The following KIF5C variants were observed in gnomAD, a reference collection of about 807,000 sequenced individuals.
KIF5C encodes kinesin heavy chain isoform 5C.
In KIF5C, 18 loss-of-function variants were observed where a neutral mutation model predicts 125.2. The ratio of observed to expected loss-of-function variants is 0.14; its 90% CI spans 0.10 to 0.21. KIF5C has a LOEUF of 0.21. Ranked by LOEUF, KIF5C falls within the 10% of genes least tolerant of loss-of-function variation. KIF5C has a pLI of 1.00. For missense variants in KIF5C, 780 were observed against 1,183.8 expected (o/e 0.66, Z 5.01); for synonymous variants, 405 against 434.0 (o/e 0.93, Z 0.83).
intron 1 of KIF5C, among the ~76,000 whole-genome samples, chr2:148,890,376 C>T (rs1681673578): frequency 6.6e-6 from 1 of 151,998 alleles, no homozygotes; most frequent in African/African-American, 2.4e-5. Context: ...TCGTGTGTAC[C>T]TGTAGTGCCA....
At chr2:148,918,300 A>AT (rs1681641605) in intron 1 of KIF5C, among the ~76,000 whole-genome samples, 1 of 152,228 alleles carries the variant, frequency 6.6e-6, no homozygotes, top group South Asian at 2.1e-4. Context: ...TGTGTGTCTC[A>AT]TCCAGATTCC....
chr2:148,903,737 C>A (rs913965723), intron 1 of KIF5C, among the ~76,000 whole-genome samples: 7 of 152,094 alleles, frequency 4.6e-5, no homozygotes, highest in Non-Finnish European at 8.8e-5. Context: ...GATAACTTGC[C>A]CAAGGTCACA....
At chr2:148,916,643 T>G (rs537953764) in intron 1 of KIF5C, among the ~76,000 whole-genome samples, 1 of 152,324 alleles carries the variant, frequency 6.6e-6, no homozygotes, top group South Asian at 2.1e-4. Context: ...CCAACTTTTT[T>G]TTTTTTTAAA....
chr2:148,946,851 C>G, intron 7 of KIF5C, 48 bp from the exon 8 acceptor site: 1 of 1,599,382 alleles, frequency 6.3e-7, no homozygotes, highest in Non-Finnish European at 8.5e-7. Flanking sequence ...GGATTGCTAC[C>G]TAAACCTACA....
At chr2:148,932,748 C>A (rs1318581351) in intron 3 of KIF5C, among the ~76,000 whole-genome samples, 1 of 152,152 alleles carries the variant, frequency 6.6e-6, no homozygotes, top group Non-Finnish European at 1.5e-5. Flanking sequence ...GGCTTCCCAG[C>A]CGTCCCGCCA....
intron 1 of KIF5C, among the ~76,000 whole-genome samples, chr2:148,901,054 A>G (rs1680881701): frequency 6.6e-6 from 1 of 152,254 alleles, no homozygotes; most frequent in Non-Finnish European, 1.5e-5. Context: ...GCGGTTGACC[A>G]GAAAGGGACA....
At chr2:148,998,376 T>C in intron 18 of KIF5C, 24 bp from the exon 19 acceptor site, 1 of 1,553,570 alleles carries the variant, frequency 6.4e-7, no homozygotes, top group Non-Finnish European at 8.7e-7. Flanking sequence ...GTAGATGACA[T>C]GTTTCTCTTG....
rs957553052 is a variant in KIF5C at position 149,025,936 on chromosome 2, C to T, written c.*2866C>T. The T allele has an allele frequency of 2.0e-5, 3 of 152,400 alleles. No homozygotes were observed. Among genetic ancestry groups the T allele is most frequent in the Non-Finnish European group, 2.9e-5 (2 of 68,010 alleles). The allele number at this position is 152,400 out of a possible 1,614,324, so 9.4% of individuals were successfully genotyped here. A position where few individuals can be genotyped will look rare whatever the true frequency, so the allele number is the denominator to read the frequency against. On this transcript the variant is annotated 3_prime_UTR_variant, in exon 26 of 26. Coordinates refer to ENST00000435030, the MANE Select transcript of KIF5C (RefSeq NM_004522.3). The stretch of plus-strand genomic sequence containing the variant: ...TTAAGACTTTTAAAGGAAATAGAAT[C>T]GTGATTAAGAAATCAGAATTTATAG...
rs564522280 is a variant in KIF5C at position 148,910,904 on chromosome 2, T to C, written c.127-11233T>C. Among the ~76,000 whole-genome samples, 30 of 152,296 alleles carry C rather than the reference T, an allele frequency of 2.0e-4. 1 individual carries two copies. The highest frequency in any genetic ancestry group is 3.4e-3 in the Middle Eastern group (1 of 294). Reference sequence around the variant, plus strand: ...GACCACTCTGTGGCAACTGATTGCATGATGGTGGTGAGGGACAACTGTGGG... The same window carrying C: ...GACCACTCTGTGGCAACTGATTGCACGATGGTGGTGAGGGACAACTGTGGG... On this transcript the variant is annotated intron_variant, in intron 1 of 25. Coordinates refer to ENST00000435030, the MANE Select transcript of KIF5C (RefSeq NM_004522.3).
intron 25 of KIF5C, among the ~76,000 whole-genome samples, chr2:149,014,098 C>T (rs1394056699): frequency 1.3e-5 from 2 of 152,196 alleles, no homozygotes; most frequent in Admixed American, 6.5e-5. Flanking sequence ...GATCTTGGCT[C>T]ACTGCATCCT....
intron 18 of KIF5C, 52 bp from the exon 19 acceptor site, chr2:148,998,348 T>C (rs969236226): frequency 6.5e-7 from 1 of 1,549,010 alleles, no homozygotes; most frequent in Non-Finnish European, 8.7e-7. Context: ...TGTCACAGAG[T>C]GGGCTGAGTG....
intron 1 of KIF5C, among the ~76,000 whole-genome samples, chr2:148,883,098 T>C (rs868125799): frequency 6.6e-6 from 1 of 152,246 alleles, no homozygotes; most frequent in South Asian, 2.1e-4. Context: ...TATGGTTTTG[T>C]TATTATTCTC....
At chr2:148,893,773 G>A (rs1681768077) in intron 1 of KIF5C, among the ~76,000 whole-genome samples, 1 of 152,176 alleles carries the variant, frequency 6.6e-6, no homozygotes, top group Non-Finnish European at 1.5e-5. Context: ...AATATTTCTT[G>A]TGGCACTTAC....
chr2:148,956,313 C>G (rs964925731), intron 10 of KIF5C, among the ~76,000 whole-genome samples: 2 of 152,148 alleles, frequency 1.3e-5, no homozygotes, highest in African/African-American at 4.8e-5. Flanking sequence ...TAACAGAATG[C>G]TCGACAATGG....
chr2:148,963,785 A>G (rs1682984407), intron 11 of KIF5C, among the ~76,000 whole-genome samples: 1 of 152,162 alleles, frequency 6.6e-6, no homozygotes, highest in Non-Finnish European at 1.5e-5. Flanking sequence ...CAGGGTGGGC[A>G]ATGAACCTTT....
intron 22 of KIF5C, 46 bp downstream of exon 22, chr2:149,005,510 G>A (rs1681980024): frequency 6.2e-7 from 1 of 1,602,850 alleles, no homozygotes; most frequent in Admixed American, 1.7e-5. Context: ...AATCAAAGAT[G>A]GCAGGGAAGA....
intron 3 of KIF5C, among the ~76,000 whole-genome samples, chr2:148,936,558 A>C (rs1361241671): frequency 6.6e-6 from 1 of 152,232 alleles, no homozygotes; most frequent in Admixed American, 6.5e-5. Context: ...GGACCTTAAA[A>C]ATGGATTTGG....
intron 10 of KIF5C, among the ~76,000 whole-genome samples, chr2:148,957,615 AAACAAT>A (rs1682828565): frequency 1.3e-5 from 2 of 149,364 alleles, no homozygotes; most frequent in Admixed American, 6.6e-5. Context: ...AAAAAAAAAA[AAACAAT>A]AAACCTCAGG....
Position 148,875,751 on chromosome 2 carries a change from G to C in KIF5C, c.126+8G>C. Reference sequence around the variant, plus strand: ...GAGACCGTGGTGATCGGGGTAAGTGGCTGGGGCGTCTGCCTTCCCTGCTGC... The same window carrying C: ...GAGACCGTGGTGATCGGGGTAAGTGCCTGGGGCGTCTGCCTTCCCTGCTGC... On this transcript the variant is annotated splice_region_variant and intron_variant, in intron 1 of 25. Transcript: ENST00000435030. 1 of 1,601,482 alleles carries C rather than the reference G, an allele frequency of 6.2e-7. No homozygotes were observed. Among genetic ancestry groups the C allele is most frequent in the African/African-American group, 1.3e-5 (1 of 74,802 alleles).
Sources: allele counts gnomAD v4.1 joint callset (sites outside exome capture counted in the v4.1 genomes callset), GRCh38; gene constraint gnomAD v4.1.1; transcripts MANE v1.5; gene names NCBI Gene and HGNC (gene_info 2026-07-23, HGNC 2026-07-21).